The following NRG1 variants were observed in gnomAD, a reference collection of about 807,000 sequenced individuals.
NRG1 encodes the protein pro-neuregulin-1, membrane-bound isoform.
NRG1 carries 18 observed loss-of-function variants against 63.8 expected under a neutral mutation model. The ratio of observed to expected loss-of-function variants is 0.28; its 90% confidence interval spans 0.19 to 0.42. NRG1 has a LOEUF of 0.42. Among genes scored for constraint, NRG1 ranks in the 10% least tolerant of loss-of-function variants. The pLI is 1.00. For missense variants in NRG1, 762 were observed against 814.7 expected (o/e 0.94, Z 0.79); for synonymous variants, 302 against 301.3 (o/e 1.00, Z -0.02).
chr8:32,003,165 A>G (rs1018119994), intron 1 of NRG1, among the ~76,000 whole-genome samples: 2 of 152,090 alleles, frequency 1.3e-5, no homozygotes, highest in Admixed American at 6.6e-5. Context: ...TGATATAGTT[A>G]TATTCTTTTG....
intron 1 of NRG1, among the ~76,000 whole-genome samples, chr8:31,674,364 G>A (rs373170416): frequency 6.6e-6 from 1 of 152,030 alleles, no homozygotes; most frequent in Non-Finnish European, 1.5e-5. Context: ...AACGTATAAG[G>A]GTTTCACTTT....
chr8:31,856,941 G>A (rs1211461766), intron 1 of NRG1, among the ~76,000 whole-genome samples: 1 of 152,172 alleles, frequency 6.6e-6, no homozygotes, highest in Non-Finnish European at 1.5e-5. Context: ...CAGGTGTCAG[G>A]GACCCACTTG....
rs562287651 is a variant in NRG1, at chr8:31,746,957, A to G, written c.37+107526A>G. On this transcript the variant is annotated intron_variant, in intron 1 of 10. Transcript: ENST00000519301. ...TACTTATTTGTGGAATCTTAAAATC[A>G]AAACAATTGAACTAATGGACCTAGA... 2.1e-4 allele frequency among the ~76,000 whole-genome samples: 32 copies of G among 151,958 alleles called. 1 individual carries two copies. The highest frequency in any genetic ancestry group is 6.8e-4 in the African/African-American group (28 of 41,408).
At chr8:31,809,282 C>T in intron 1 of NRG1, among the ~76,000 whole-genome samples, 1 of 149,166 alleles carries the variant, frequency 6.7e-6, no homozygotes, top group Non-Finnish European at 1.5e-5. Context: ...GGGGAAATTT[C>T]AGTCTAAAGA....
chr8:31,830,320 TC>T (rs2129605528), intron 1 of NRG1, among the ~76,000 whole-genome samples: 1 of 76,968 alleles, frequency 1.3e-5, no homozygotes, highest in African/African-American at 5.5e-5. Context: ...CTTCCTTCCT[TC>T]CTTCCTTCCT....
intron 1 of NRG1, among the ~76,000 whole-genome samples, chr8:32,031,777 C>A (rs928326237): frequency 3.9e-5 from 6 of 152,270 alleles, no homozygotes; most frequent in African/African-American, 1.4e-4. Flanking sequence ...CATGTCCCTG[C>A]AAAGGACATG....
intron 5 of NRG1, among the ~76,000 whole-genome samples, chr8:32,652,960 T>A (rs1443445553): frequency 6.6e-6 from 1 of 152,198 alleles, no homozygotes; most frequent in African/African-American, 2.4e-5. Flanking sequence ...TTATGACTTG[T>A]TTAGATGCCC....
chr8:32,688,319 C>T (rs1245362935), intron 5 of NRG1, among the ~76,000 whole-genome samples: 1 of 152,120 alleles, frequency 6.6e-6, no homozygotes, highest in Non-Finnish European at 1.5e-5. Flanking sequence ...ACTTCTGTGC[C>T]CCATAACCAG....
intron 1 of NRG1, among the ~76,000 whole-genome samples, chr8:31,700,226 T>A (rs961043145): frequency 6.6e-6 from 1 of 152,020 alleles, no homozygotes; most frequent in Non-Finnish European, 1.5e-5. Context: ...GGAGGCAGCT[T>A]TTACTCTCTG....
At chr8:32,587,789 G>T (rs1358621864) in intron 1 of NRG1, among the ~76,000 whole-genome samples, 1 of 152,148 alleles carries the variant, frequency 6.6e-6, no homozygotes. Flanking sequence ...CACATACACA[G>T]TCAGGAAATA....
In NRG1 at chr8:32,704,860, A is replaced by G. The variant is rs1815931246; in HGVS notation, c.503-23089A>G. Among the ~76,000 whole-genome samples the G allele has an allele frequency of 2.0e-5, 3 of 152,238 alleles. No homozygotes were observed. The South Asian group carries it at 6.2e-4, about 32-fold the overall frequency. On this transcript the variant is annotated intron_variant, in intron 5 of 11. Coordinates refer to ENST00000356819, the Ensembl canonical transcript of NRG1. Reference sequence around the variant, plus strand: ...CATCTGCTGATGGCCAATAAAAGCTATACAAAGTCTCATCAATGAAATTAG... The same window carrying G: ...CATCTGCTGATGGCCAATAAAAGCTGTACAAAGTCTCATCAATGAAATTAG...
At chr8:32,235,261 G>C (rs1173190418) in intron 1 of NRG1, among the ~76,000 whole-genome samples, 1 of 142,626 alleles carries the variant, frequency 7.0e-6, no homozygotes, top group South Asian at 2.2e-4. Flanking sequence ...AAAAAAAAGA[G>C]CCGGGCATGA....
At chr8:31,700,935 CA>C (rs1810566938) in intron 1 of NRG1, among the ~76,000 whole-genome samples, 1 of 152,136 alleles carries the variant, frequency 6.6e-6, no homozygotes, top group African/African-American at 2.4e-5. Flanking sequence ...TAGTTTAAAT[CA>C]CATTTCTGCA....
At chr8:32,376,621 C>T (rs1809664583) in intron 1 of NRG1, among the ~76,000 whole-genome samples, 1 of 152,184 alleles carries the variant, frequency 6.6e-6, no homozygotes, top group Non-Finnish European at 1.5e-5. Context: ...AAATTCCCTG[C>T]CCTGAGGAGC....
chr8:32,314,583 GT>G (rs111378697), intron 1 of NRG1, among the ~76,000 whole-genome samples: 4,518 of 152,248 alleles, frequency 0.03, 208 homozygotes, highest in African/African-American at 0.1. Flanking sequence ...CTTCCCACTG[GT>G]AGAACATTAT....
chr8:32,271,048 C>G (rs1293207213), intron 1 of NRG1, among the ~76,000 whole-genome samples: 1 of 152,024 alleles, frequency 6.6e-6, no homozygotes, highest in Non-Finnish European at 1.5e-5. Flanking sequence ...GTTTTGGGGC[C>G]TTTTTGCCCT....
chr8:32,707,816 G>C (rs1816811366), intron 5 of NRG1, among the ~76,000 whole-genome samples: 1 of 151,622 alleles, frequency 6.6e-6, no homozygotes, highest in Non-Finnish European at 1.5e-5. Flanking sequence ...AATAATGCTA[G>C]TCCAAACTTA....
chr8:32,172,370 G>T, intron 1 of NRG1, among the ~76,000 whole-genome samples: 1 of 152,028 alleles, frequency 6.6e-6, no homozygotes, highest in Non-Finnish European at 1.5e-5. Context: ...AAAGACCAAA[G>T]GTAGATAAAA....
chr8:31,659,258 G>A (rs1164054915), intron 1 of NRG1, among the ~76,000 whole-genome samples: 3 of 152,140 alleles, frequency 2.0e-5, no homozygotes, highest in Non-Finnish European at 4.4e-5. Context: ...GGCACTGAGC[G>A]GAAACAAGAG....
Sources: gnomAD v4.1 joint callset for allele counts (sites outside exome capture counted in the v4.1 genomes callset) on GRCh38, gnomAD v4.1.1 for gene constraint, MANE v1.5 for transcripts, NCBI Gene and HGNC (gene_info 2026-07-23, HGNC 2026-07-21) for gene names.